The following DRICH1 variants were observed in gnomAD, a reference collection of about 807,000 sequenced individuals.
DRICH1 encodes aspartate-rich protein 1.
Under a neutral mutation model 39.5 loss-of-function variants are expected in DRICH1, and 38 were observed. That is an observed-to-expected ratio of 0.96 (90% CI 0.74 to 1.26). The LOEUF (loss-of-function observed/expected upper bound fraction) is 1.26, where lower values mean the gene tolerates loss of function less well. Among genes scored for constraint, DRICH1 ranks in the 50% most tolerant of loss-of-function variants. DRICH1 has a pLI of 0.00. For synonymous variants in DRICH1, 84 were observed against 99.5 expected (o/e 0.84, Z 0.93); for missense variants, 279 against 270.4 (o/e 1.03, Z -0.22).
At chr22:23,589,512 A>G in the DRICH1 span, among the ~76,000 whole-genome samples, 47 of 152,106 alleles carry the variant, frequency 3.1e-4, no homozygotes, top group Non-Finnish European at 3.4e-4. Flanking sequence ...GTGTGTGTGT[A>G]TATATAAAAT....
chr22:23,618,411 G>T (rs1927506890), intron 6 of DRICH1, among the ~76,000 whole-genome samples: 3 of 151,650 alleles, frequency 2.0e-5, no homozygotes, highest in African/African-American at 7.3e-5. Flanking sequence ...ACCGCACCCA[G>T]CTGATCACAA....
At position 23,617,527 on chromosome 22, in the gene DRICH1, C is replaced by G. The variant is rs372939070; in HGVS notation, c.519+48G>C. On this transcript the variant is annotated intron_variant, in intron 7 of 11. Coordinates refer to ENST00000317749, the MANE Select transcript of DRICH1 (RefSeq NM_016449.4). ...ATTGGATTGGTGAGTTTGTTTCTCA[C>G]ATCAGAAAACCAACATTTCCTTAGA... is the stretch of plus-strand genomic sequence containing the variant. The G allele has an allele frequency of 1.9e-5, 30 of 1,600,812 alleles. 1 individual carries two copies. The South Asian group carries it at 2.0e-4, about 11-fold the overall frequency.
intron 2 of DRICH1, 55 bp from the exon 3 acceptor site, chr22:23,624,959 C>G: frequency 6.3e-7 from 1 of 1,580,738 alleles, no homozygotes; most frequent in South Asian, 1.1e-5. Context: ...TGCTGCACCC[C>G]CTACACAGAT....
intron 3 of DRICH1, among the ~76,000 whole-genome samples, 159 bp downstream of exon 3, chr22:23,624,724 C>T (rs1344133551): frequency 6.6e-6 from 1 of 152,220 alleles, no homozygotes; most frequent in East Asian, 1.9e-4. Context: ...TGGGTTCACA[C>T]ACATTTCTAC....
At chr22:23,596,383 G>A in the DRICH1 span, among the ~76,000 whole-genome samples, 85,683 of 151,866 alleles carry the variant, frequency 0.56, 24,432 homozygotes, top group East Asian at 0.61. Context: ...CCTCAGCTTC[G>A]CAAGTAGTTG....
chr22:23,616,747 C>T (rs932913790), intron 8 of DRICH1, 106 bp downstream of exon 8: 3 of 1,449,204 alleles, frequency 2.1e-6, no homozygotes, highest in Non-Finnish European at 2.9e-6. Context: ...ATCATTTGCT[C>T]TCACCACACC....
the DRICH1 span, among the ~76,000 whole-genome samples, chr22:23,600,220 A>T: frequency 1.1e-3 from 171 of 152,170 alleles, 1 homozygote; most frequent in East Asian, 0.029. Flanking sequence ...AAGGGTCCCC[A>T]TTTCCCTTTC....
chr22:23,614,235 G>C, intron 8 of DRICH1, 21 bp from the exon 9 acceptor site: 2 of 1,582,510 alleles, frequency 1.3e-6, no homozygotes, highest in Non-Finnish European at 1.7e-6. Context: ...ACAGAGGAAA[G>C]ATCAGTGCAC....
chr22:23,613,431 C>G, intron 10 of DRICH1, 101 bp from the exon 11 acceptor site: 1 of 1,033,292 alleles, frequency 9.7e-7, no homozygotes. Context: ...TAGTCTCCCA[C>G]TCCATGCTGC....
chr22:23,599,378 A>C, the DRICH1 span, among the ~76,000 whole-genome samples: 1 of 152,074 alleles, frequency 6.6e-6, no homozygotes, highest in Admixed American at 6.5e-5. Flanking sequence ...TCCTCTGCCC[A>C]TTCAGTCTTC....
chr22:23,611,422 G>A (rs1048573511), intron 11 of DRICH1, among the ~76,000 whole-genome samples: 5 of 138,606 alleles, frequency 3.6e-5, no homozygotes, highest in African/African-American at 1.1e-4. Context: ...ATGGAATCTC[G>A]TTCTATCACC....
intron 8 of DRICH1, among the ~76,000 whole-genome samples, chr22:23,614,506 T>G (rs1428044418): frequency 6.6e-6 from 1 of 152,214 alleles, no homozygotes; most frequent in Non-Finnish European, 1.5e-5. Flanking sequence ...CCTTCCTCCC[T>G]CTCAAATGTT....
At chr22:23,605,144 ATCACCTGGGGTATAAAGT>A (rs1926658948), downstream of DRICH1, among the ~76,000 whole-genome samples, 1 of 152,300 alleles carries the variant, frequency 6.6e-6, no homozygotes, top group African/African-American at 2.4e-5. Context: ...TGAAATGATT[ATCACCTGGGGTATAAAGT>A]TCACCAGTGA....
At chr22:23,617,002 A>G (rs535799820) in intron 7 of DRICH1, 128 bp from the exon 8 acceptor site, 1 of 1,082,056 alleles carries the variant, frequency 9.2e-7, no homozygotes, top group African/African-American at 1.6e-5. Flanking sequence ...AAGGTCAAAG[A>G]CCAAACATTC....
At position 23,617,609 on chromosome 22, in the gene DRICH1, T is replaced by A. The variant is rs370689302; in HGVS notation, c.485A>T (p.Asp162Val). The A allele has an allele frequency of 6.2e-7, 1 of 1,614,164 alleles. No homozygotes were observed. The change falls in exon 7 of 12, where the codon GAT becomes GTT. Residue 162 changes from aspartate to valine, a missense_variant. Transcript: ENST00000317749. The part of the protein sequence containing the change: ...LSLVCLPRSE[D>V]DDCDDDDDDA... ...ATCATCATCATCATCACAGTCATCA[T>A]CTTCACTTCGTGGTAGGCATACTAA...
intron 11 of DRICH1, 139 bp from the exon 12 acceptor site, chr22:23,608,907 T>C (rs1313698674): frequency 1.6e-5 from 15 of 922,328 alleles, no homozygotes; most frequent in Admixed American, 1.0e-4. Flanking sequence ...AAATTACAGA[T>C]GCGGAAACTC....
At chr22:23,582,676 C>T in the DRICH1 span, among the ~76,000 whole-genome samples, 2 of 152,004 alleles carry the variant, frequency 1.3e-5, no homozygotes, top group Non-Finnish European at 2.9e-5. Flanking sequence ...AGCAATTCTC[C>T]TGCTTCAGCC....
Position 23,608,505 on chromosome 22 carries a change from A to T in DRICH1, c.*259T>A. On this transcript the variant is annotated 3_prime_UTR_variant, in exon 12 of 12. Coordinates refer to ENST00000317749, the MANE Select transcript of DRICH1 (RefSeq NM_016449.4). ...TGGGAATGGCACTTTCTGCTCGTGGAGCACAGTCACGTCTCTTCTCACTCT... is the reference window on the plus strand; with the variant it reads ...TGGGAATGGCACTTTCTGCTCGTGGTGCACAGTCACGTCTCTTCTCACTCT... The T allele has an allele frequency of 3.9e-6, 2 of 506,836 alleles. No individual in the cohort carries two copies. The highest frequency in any genetic ancestry group is 7.1e-6 in the Non-Finnish European group (2 of 282,022). The allele number at this position is 506,836 out of a possible 1,614,324, so 31.4% of individuals were successfully genotyped here. A position where few individuals can be genotyped will look rare whatever the true frequency, so the allele number is the denominator to read the frequency against.
At chr22:23,590,045 C>G in the DRICH1 span, among the ~76,000 whole-genome samples, 35 of 152,180 alleles carry the variant, frequency 2.3e-4, no homozygotes, top group African/African-American at 8.2e-4. Flanking sequence ...AGGGAGGCAG[C>G]CTCTTGTGGA....
Sources: gnomAD v4.1 joint callset for allele counts (sites outside exome capture counted in the v4.1 genomes callset) on GRCh38, gnomAD v4.1.1 for gene constraint, MANE v1.5 for transcripts, NCBI Gene and HGNC (gene_info 2026-07-23, HGNC 2026-07-21) for gene names.